Variants in TRHDE observed in about 807,000 individuals in gnomAD.
TRHDE encodes the protein thyrotropin-releasing hormone-degrading ectoenzyme.
A neutral mutation model predicts 125.7 loss-of-function variants in TRHDE; 72 were observed. The observed-to-expected ratio is 0.57, with a 90% CI of 0.47 to 0.70. The LOEUF is 0.70. Among genes scored for constraint, TRHDE ranks in the 30% least tolerant of loss-of-function variants. TRHDE has a pLI of 0.00. For synonymous variants in TRHDE, 509 were observed against 509.1 expected (o/e 1.00, Z 0.00); for missense variants, 1,110 against 1,327.1 (o/e 0.84, Z 2.54).
rs1172098113 is a variant in TRHDE at position 72,224,126 on chromosome 12, CTATCTATCTATCTATTTATCTATGTATG to C, written n.279+118378_279+118405del. ...TCTATCTATCTATCTATCTATCTAT[CTATCTATCTATCTATTTATCTATGTATG>C]TATGTATGTATGTATCTATCTATCT... On this transcript the variant is annotated intron_variant and non_coding_transcript_variant, in intron 2 of 4. Coordinates refer to the TRHDE transcript ENST00000548156. 6.6e-3 allele frequency among the ~76,000 whole-genome samples: 505 copies of C among 76,304 alleles called. 1 individual carries two copies. Among genetic ancestry groups the C allele is most frequent in the South Asian group, 7.7e-3 (16 of 2,088 alleles). The allele number at this position is 76,304 out of a possible 152,430, so 50.1% of individuals were successfully genotyped here.
chr12:72,419,239 A>G (rs1227222965), intron 3 of TRHDE, among the ~76,000 whole-genome samples: 1 of 152,212 alleles, frequency 6.6e-6, no homozygotes, highest in East Asian at 1.9e-4. Flanking sequence ...CTATTTATCC[A>G]GGAAGTTTCT....
chr12:72,130,927 A>T, intron 2 of TRHDE, among the ~76,000 whole-genome samples: 1 of 152,162 alleles, frequency 6.6e-6, no homozygotes, highest in East Asian at 1.9e-4. Context: ...TAAACTGGAG[A>T]CACCATTTTA....
intron 12 of TRHDE, among the ~76,000 whole-genome samples, chr12:72,588,442 G>A (rs1401640934): frequency 6.6e-6 from 1 of 152,166 alleles, no homozygotes; most frequent in African/African-American, 2.4e-5. Context: ...TGGCTCTAAT[G>A]GAGTAAGTAA....
At chr12:72,189,094 C>A (rs969469293) in intron 2 of TRHDE, among the ~76,000 whole-genome samples, 5 of 152,200 alleles carry the variant, frequency 3.3e-5, no homozygotes, top group African/African-American at 1.2e-4. Flanking sequence ...AATGAAGTAA[C>A]ATCTGCAATT....
At chr12:72,289,580 T>C (rs1880013057) in intron 2 of TRHDE, among the ~76,000 whole-genome samples, 1 of 152,192 alleles carries the variant, frequency 6.6e-6, no homozygotes, top group Non-Finnish European at 1.5e-5. Flanking sequence ...TGGAAAGCTC[T>C]TCTAACACTA....
At chr12:72,126,925 G>T (rs1428148320) in intron 2 of TRHDE, among the ~76,000 whole-genome samples, 1 of 152,062 alleles carries the variant, frequency 6.6e-6, no homozygotes, top group Non-Finnish European at 1.5e-5. Context: ...CTACAGAATG[G>T]GAGAAAATAT....
In TRHDE at chr12:72,435,630, C is replaced by G. The variant is rs997490254; in HGVS notation, c.1316-34128C>G. Among the ~76,000 whole-genome samples the G allele has an allele frequency of 2.7e-5, 4 of 148,510 alleles. No individual in the cohort carries two copies. In the South Asian group the frequency reaches 8.5e-4, roughly 32 times the overall value. ...TACAGTACTTGAATGAAAATAGATC[C>G]CAGGCTGGGATTTTTTTTTTTTTTT... On this transcript the variant is annotated intron_variant, in intron 3 of 18. Coordinates refer to ENST00000261180, the MANE Select transcript of TRHDE (RefSeq NM_013381.3).
chr12:72,654,809 A>G (rs1424399120), intron 17 of TRHDE, among the ~76,000 whole-genome samples: 1 of 152,050 alleles, frequency 6.6e-6, no homozygotes, highest in Non-Finnish European at 1.5e-5. Context: ...TCCCCAGTGC[A>G]GGTTCTCATC....
At chr12:72,207,199 A>C (rs1488166116) in intron 2 of TRHDE, among the ~76,000 whole-genome samples, 1 of 152,234 alleles carries the variant, frequency 6.6e-6, no homozygotes, top group African/African-American at 2.4e-5. Flanking sequence ...TGACCAGAAA[A>C]GATATGTGCA....
In TRHDE at chr12:72,601,046, G is replaced by T. The variant is rs538568206; in HGVS notation, c.2322-17845G>T. ...ACCACAGATAATGATTCGTTTGATG[G>T]ATCTGAGCAAAGTCAATTGAAAACC... On this transcript the variant is annotated intron_variant, in intron 12 of 18. Coordinates refer to ENST00000261180, the MANE Select transcript of TRHDE (RefSeq NM_013381.3). Among the ~76,000 whole-genome samples the T allele has an allele frequency of 1.9e-3, 294 of 152,120 alleles. 1 individual carries two copies. The highest frequency in any genetic ancestry group is 3.1e-3 in the Non-Finnish European group (211 of 67,908).
At chr12:72,281,716 T>A (rs942949727) in intron 1 of TRHDE, among the ~76,000 whole-genome samples, 2 of 152,198 alleles carry the variant, frequency 1.3e-5, no homozygotes, top group East Asian at 1.9e-4. Flanking sequence ...ATGTCTTACC[T>A]TTATGAAAAG....
At chr12:72,430,717 G>A (rs1477978571) in intron 3 of TRHDE, among the ~76,000 whole-genome samples, 1 of 151,614 alleles carries the variant, frequency 6.6e-6, no homozygotes, top group African/African-American at 2.4e-5. Flanking sequence ...CTTTTTCATG[G>A]TCATTTTGGC....
intron 7 of TRHDE, among the ~76,000 whole-genome samples, chr12:72,549,401 T>G (rs1276749485): frequency 6.6e-6 from 1 of 151,834 alleles, no homozygotes; most frequent in African/African-American, 2.4e-5. Context: ...ATGTCAAAGT[T>G]AATTTTCTTT....
intron 2 of TRHDE, among the ~76,000 whole-genome samples, chr12:72,118,005 T>C (rs1199194088): frequency 2.0e-5 from 3 of 152,074 alleles, no homozygotes; most frequent in African/African-American, 7.2e-5. Context: ...TATAAGATCG[T>C]ATCATCTGTA....
intron 2 of TRHDE, among the ~76,000 whole-genome samples, chr12:72,308,743 T>A (rs1405334742): frequency 6.6e-6 from 1 of 152,230 alleles, no homozygotes; most frequent in Non-Finnish European, 1.5e-5. Flanking sequence ...TTTTCAAAAC[T>A]GTTATGCTAC....
chr12:72,425,880 C>T (rs536353440), intron 3 of TRHDE, among the ~76,000 whole-genome samples: 6 of 152,070 alleles, frequency 3.9e-5, no homozygotes, highest in African/African-American at 1.2e-4. Flanking sequence ...AATAAATTTT[C>T]ACTAAAGAAA....
intron 5 of TRHDE, among the ~76,000 whole-genome samples, chr12:72,490,241 T>C (rs924357916): frequency 1.3e-5 from 2 of 151,856 alleles, no homozygotes; most frequent in Non-Finnish European, 2.9e-5. Flanking sequence ...ATGCTCAACA[T>C]TGGTAGTCAT....
intron 3 of TRHDE, among the ~76,000 whole-genome samples, chr12:72,430,293 ATATATG>A (rs1874389538): frequency 7.0e-6 from 1 of 143,256 alleles, no homozygotes; most frequent in Non-Finnish European, 1.5e-5. Context: ...GTGTGTGTGT[ATATATG>A]TATATATATG....
chr12:72,319,841 A>T (rs1592541887), intron 2 of TRHDE, among the ~76,000 whole-genome samples: 1 of 152,224 alleles, frequency 6.6e-6, no homozygotes, highest in African/African-American at 2.4e-5. Flanking sequence ...AATGTTTCCT[A>T]GAAATCAATA....
Sources: allele counts gnomAD v4.1 joint callset (sites outside exome capture counted in the v4.1 genomes callset), GRCh38; gene constraint gnomAD v4.1.1; transcripts MANE v1.5; gene names NCBI Gene and HGNC (gene_info 2026-07-23, HGNC 2026-07-21).